The following GLB1 variants were observed in gnomAD, a reference collection of about 807,000 sequenced individuals.
The protein encoded by GLB1 is beta-galactosidase.
Under a neutral mutation model 74.0 loss-of-function variants are expected in GLB1, and 56 were observed. The observed-to-expected ratio is 0.76, with a 90% CI of 0.61 to 0.94. GLB1 has a LOEUF of 0.94. Ranked by LOEUF, GLB1 falls within the 40% of genes least tolerant of loss-of-function variation. GLB1 has a pLI of 0.00. For missense variants in GLB1, 787 were observed against 845.5 expected (o/e 0.93, Z 0.86); for synonymous variants, 323 against 323.6 (o/e 1.00, Z 0.02).
intron 15 of GLB1, among the ~76,000 whole-genome samples, chr3:33,009,507 A>G (rs1419627602): frequency 6.6e-6 from 1 of 152,084 alleles, no homozygotes; most frequent in Non-Finnish European, 1.5e-5. Context: ...GGGTGACAAG[A>G]GCAAGACTGT....
chr3:32,979,758 G>A, the GLB1 span, among the ~76,000 whole-genome samples: 1 of 151,408 alleles, frequency 6.6e-6, no homozygotes, highest in East Asian at 1.9e-4. Context: ...AGGCTGAAGT[G>A]GGAGGATGGC....
chr3:33,064,214 G>C (rs879123430), intron 5 of GLB1, among the ~76,000 whole-genome samples: 1 of 148,566 alleles, frequency 6.7e-6, no homozygotes, highest in Admixed American at 6.7e-5. Context: ...TGAGGTGGGT[G>C]AATCACCTGA....
At chr3:33,078,980 A>G (rs770445012) in intron 1 of GLB1, among the ~76,000 whole-genome samples, 7 of 152,282 alleles carry the variant, frequency 4.6e-5, no homozygotes, top group Middle Eastern at 3.4e-3. Flanking sequence ...TGGCATATGT[A>G]TATGATAGAC....
the GLB1 span, among the ~76,000 whole-genome samples, chr3:32,964,085 A>G: frequency 6.6e-6 from 1 of 152,220 alleles, no homozygotes; most frequent in Non-Finnish European, 1.5e-5. Flanking sequence ...TAGGTACAAG[A>G]TAGCATGCTG....
chr3:32,966,871 T>G, the GLB1 span, among the ~76,000 whole-genome samples: 1 of 152,206 alleles, frequency 6.6e-6, no homozygotes, highest in Non-Finnish European at 1.5e-5. Flanking sequence ...CCTGCTGCCA[T>G]GTAAGACGTG....
At chr3:32,984,175 G>T in the GLB1 span, among the ~76,000 whole-genome samples, 1 of 152,016 alleles carries the variant, frequency 6.6e-6, no homozygotes, top group Non-Finnish European at 1.5e-5. Flanking sequence ...CCACACTAGG[G>T]CTAGCCTCTG....
the GLB1 span, among the ~76,000 whole-genome samples, chr3:32,976,270 C>G: frequency 6.6e-6 from 1 of 152,224 alleles, no homozygotes; most frequent in Non-Finnish European, 1.5e-5. Context: ...TTCTCTTGCT[C>G]TTCTCTGTAG....
intron 9 of GLB1, among the ~76,000 whole-genome samples, chr3:33,046,683 T>C (rs189880124): frequency 6.6e-5 from 10 of 152,288 alleles, no homozygotes; most frequent in South Asian, 6.2e-4. Context: ...AAGACACAGA[T>C]GACTAGGCCA....
chr3:33,092,141 T>C (rs1176295497), intron 1 of GLB1: 7 of 985,522 alleles, frequency 7.1e-6, no homozygotes, highest in Middle Eastern at 5.2e-4. Context: ...TCACCGACCA[T>C]GGCGCCCACC....
chr3:33,059,139 C>T (rs1699341392), intron 5 of GLB1, among the ~76,000 whole-genome samples: 1 of 152,168 alleles, frequency 6.6e-6, no homozygotes, highest in Non-Finnish European at 1.5e-5. Context: ...AGGGTGGGGT[C>T]CCTGCTCTGA....
intron 5 of GLB1, among the ~76,000 whole-genome samples, chr3:33,064,419 G>C (rs553947619): frequency 1.8e-5 from 2 of 109,054 alleles, no homozygotes; most frequent in Admixed American, 2.1e-4. Flanking sequence ...CAGCCTGGGC[G>C]ACAGAGCGAG....
chr3:33,012,943 T>C (rs1336829238), intron 15 of GLB1, among the ~76,000 whole-genome samples: 1 of 152,210 alleles, frequency 6.6e-6, no homozygotes, highest in Admixed American at 6.5e-5. Flanking sequence ...CTCGAATCCA[T>C]AAGTGTCCTT....
At chr3:33,027,473 G>A (rs977974326) in intron 10 of GLB1, among the ~76,000 whole-genome samples, 2 of 152,314 alleles carry the variant, frequency 1.3e-5, no homozygotes, top group East Asian at 1.9e-4. Context: ...GGGCAAAGGC[G>A]CCACAGGCCA....
chr3:33,087,579 G>GCGCA (rs1374529518), intron 1 of GLB1, among the ~76,000 whole-genome samples: 24 of 141,904 alleles, frequency 1.7e-4, no homozygotes, highest in South Asian at 6.8e-4. Flanking sequence ...CAGCATGCGC[G>GCGCA]CACACACACA....
At chr3:33,041,928 T>A (rs1698519679) in intron 10 of GLB1, among the ~76,000 whole-genome samples, 1 of 152,056 alleles carries the variant, frequency 6.6e-6, no homozygotes, top group African/African-American at 2.4e-5. Context: ...AAGTCTAACT[T>A]TGCACAGCCA....
chr3:33,087,123 A>C (rs1345390256), intron 1 of GLB1, among the ~76,000 whole-genome samples: 1 of 152,208 alleles, frequency 6.6e-6, no homozygotes, highest in African/African-American at 2.4e-5. Context: ...GAATTGTAAG[A>C]GAATAGCATG....
chr3:33,040,304 C>T (rs990128480), intron 10 of GLB1, among the ~76,000 whole-genome samples: 4 of 152,100 alleles, frequency 2.6e-5, no homozygotes, highest in Non-Finnish European at 5.9e-5. Flanking sequence ...CTGGTACCTG[C>T]CAGAAGCAAA....
Position 33,093,201 on chromosome 3 carries a change from G to A in GLB1, c.75+3810C>T, listed in dbSNP as rs1412320665. 1.2e-6 allele frequency: 2 copies of A among 1,613,802 alleles called. No homozygotes were observed. The highest frequency in any genetic ancestry group is 1.7e-6 in the Non-Finnish European group (2 of 1,179,966). On this transcript the variant is annotated intron_variant, in intron 1 of 15. Coordinates refer to ENST00000307363, the MANE Select transcript of GLB1 (RefSeq NM_000404.4). This position sits in a 1 kb window ranked among gnomAD's most constrained non-coding sequence, Gnocchi z 6.0. ...GTCTGCTTCAATATCGTCCACCCCA[G>A]CCAAGCAGATCCAGTCCTCATCCTC...
chr3:33,049,028 A>G lies in GLB1; in HGVS notation c.955+2730T>C, dbSNP rs530423881. On this transcript the variant is annotated intron_variant, in intron 9 of 15. Coordinates refer to ENST00000307363, the MANE Select transcript of GLB1 (RefSeq NM_000404.4). ...CAACATTTATGTTCTGACAGTTTCTATAATGTCCAATTTTTTTTTAAGATG... is the reference window on the plus strand; with the variant it reads ...CAACATTTATGTTCTGACAGTTTCTGTAATGTCCAATTTTTTTTTAAGATG... Among the ~76,000 whole-genome samples, 3 of 152,342 alleles carry G rather than the reference A, an allele frequency of 2.0e-5. No homozygotes were observed. The East Asian group carries it at 5.8e-4, about 29-fold the overall frequency.
Sources: allele counts gnomAD v4.1 joint callset (sites outside exome capture counted in the v4.1 genomes callset), GRCh38; gene constraint gnomAD v4.1.1; non-coding constraint Gnocchi (gnomAD v3.1); transcripts MANE v1.5; gene names NCBI Gene and HGNC (gene_info 2026-07-23, HGNC 2026-07-21).